Variants in GPATCH8 observed in about 807,000 individuals in gnomAD.
The protein encoded by GPATCH8 is G patch domain-containing protein 8.
In GPATCH8, 18 loss-of-function variants were observed where a neutral mutation model predicts 118.3. The ratio of observed to expected loss-of-function variants is 0.15; its 90% CI spans 0.11 to 0.23. GPATCH8 has a LOEUF of 0.23. GPATCH8 is among the 10% of genes least tolerant of loss of function. The probability of loss-of-function intolerance (pLI) is 1.00; values close to 1 mark genes in which losing one functional copy is unlikely to be tolerated. For synonymous variants in GPATCH8, 659 were observed against 684.7 expected (o/e 0.96, Z 0.59); for missense variants, 1,631 against 1,873.8 (o/e 0.87, Z 2.39).
At position 44,398,052 on chromosome 17, in the gene GPATCH8, G is replaced by A. The variant is rs1196091125; in HGVS notation, c.4025C>T (p.Ala1342Val). Reference sequence around the variant, plus strand: ...GGCCAGGGCAGCTGAGGCTGGAAAGGCCTTTACTTGCTTGGCCAGAAGCTG... The same window carrying A: ...GGCCAGGGCAGCTGAGGCTGGAAAGACCTTTACTTGCTTGGCCAGAAGCTG... ...QQQLLAKQVK[A>V]FPASAALAPA... The change falls in exon 8 of 8, where the codon GCC becomes GTC. Residue 1342 changes from alanine (A) to valine (V), a missense_variant. Around this residue, in one of 8 missense-constraint regions of GPATCH8, gnomAD observed 111 missense variants for 112.4 expected, o/e 0.99. Transcript: ENST00000591680. 1.2e-6 allele frequency: 2 copies of A among 1,613,890 alleles called. No homozygotes were observed. Among genetic ancestry groups the A allele is most frequent in the Non-Finnish European group, 1.7e-6 (2 of 1,179,922 alleles).
At chr17:44,458,083 C>G (rs1157360148) in intron 3 of GPATCH8, among the ~76,000 whole-genome samples, 1 of 143,240 alleles carries the variant, frequency 7.0e-6, no homozygotes, top group African/African-American at 2.6e-5. Flanking sequence ...AGCGAGACTC[C>G]ATTTCAAAAA....
chr17:44,403,667 A>T (rs2049110802), intron 7 of GPATCH8, among the ~76,000 whole-genome samples: 1 of 151,690 alleles, frequency 6.6e-6, no homozygotes, highest in South Asian at 2.1e-4. Flanking sequence ...AGGGATAAGT[A>T]TATTCAGACA....
At chr17:44,475,348 C>G (rs551652691) in intron 1 of GPATCH8, among the ~76,000 whole-genome samples, 2 of 147,230 alleles carry the variant, frequency 1.4e-5, no homozygotes, top group Admixed American at 6.9e-5. Context: ...CCACCACACT[C>G]CAGCCTGGGC....
intron 5 of GPATCH8, among the ~76,000 whole-genome samples, chr17:44,429,401 G>T (rs1453673301): frequency 1.3e-5 from 2 of 152,012 alleles, no homozygotes; most frequent in Admixed American, 1.3e-4. Flanking sequence ...TTGAACACAG[G>T]TTTAACCCCT....
chr17:44,482,911 C>A (rs1323556780), intron 1 of GPATCH8, among the ~76,000 whole-genome samples: 4 of 150,410 alleles, frequency 2.7e-5, no homozygotes, highest in African/African-American at 9.8e-5. Flanking sequence ...AATCCCAGCA[C>A]TTTGGGAGGC....
intron 3 of GPATCH8, among the ~76,000 whole-genome samples, chr17:44,458,033 C>T (rs956246562): frequency 3.3e-5 from 5 of 150,246 alleles, no homozygotes; most frequent in East Asian, 2.0e-4. Context: ...TGCAGTGAGC[C>T]GAGATTGTGC....
At chr17:44,464,623 G>C in intron 2 of GPATCH8, 79 bp from the exon 3 acceptor site, 1 of 867,056 alleles carries the variant, frequency 1.2e-6, no homozygotes, top group South Asian at 1.3e-5. Context: ...TTAAACAGAT[G>C]ATGAGCAAGA....
At chr17:44,453,530 T>TGTGTGTGTGTGTGCGC (rs1052518435) in intron 3 of GPATCH8, among the ~76,000 whole-genome samples, 48 of 150,562 alleles carry the variant, frequency 3.2e-4, no homozygotes, top group African/African-American at 1.1e-3. Flanking sequence ...TGTGTGTGTG[T>TGTGTGTGTGTGTGCGC]GCAGGCGCGC....
intron 3 of GPATCH8, among the ~76,000 whole-genome samples, chr17:44,453,497 A>G (rs75427000): frequency 0.019 from 509 of 26,352 alleles, 8 homozygotes; most frequent in Middle Eastern, 0.062. Context: ...GTAGGTAGGT[A>G]GGGGTGTGTG....
chr17:44,474,678 A>G (rs780409706), intron 2 of GPATCH8, 151 bp downstream of exon 2: 24 of 701,664 alleles, frequency 3.4e-5, no homozygotes, highest in Non-Finnish European at 5.5e-5. Flanking sequence ...TTACATCCCA[A>G]GCTTTAATTG....
At chr17:44,422,544 C>T (rs1054601241) in intron 6 of GPATCH8, among the ~76,000 whole-genome samples, 2 of 151,734 alleles carry the variant, frequency 1.3e-5, no homozygotes, top group African/African-American at 2.4e-5. Context: ...GGCTGGAGTG[C>T]AGTGGTGCGA....
At chr17:44,482,082 C>T (rs902160395) in intron 1 of GPATCH8, among the ~76,000 whole-genome samples, 1 of 152,056 alleles carries the variant, frequency 6.6e-6, no homozygotes, top group African/African-American at 2.4e-5. Context: ...GGTGTCGCCA[C>T]TGCACTCCAG....
intron 3 of GPATCH8, among the ~76,000 whole-genome samples, chr17:44,456,071 C>A (rs1183512179): frequency 6.6e-6 from 1 of 151,914 alleles, no homozygotes; most frequent in Non-Finnish European, 1.5e-5. Flanking sequence ...CTTAAGAAAT[C>A]AGTAAAATAT....
At chr17:44,411,847 C>A (rs920475952) in intron 6 of GPATCH8, among the ~76,000 whole-genome samples, 29 of 152,264 alleles carry the variant, frequency 1.9e-4, no homozygotes, top group Non-Finnish European at 3.7e-4. Context: ...ACTCTCAACA[C>A]TTTGGGAGGC....
At chr17:44,454,076 A>G (rs1207674635) in intron 3 of GPATCH8, among the ~76,000 whole-genome samples, 2 of 152,218 alleles carry the variant, frequency 1.3e-5, no homozygotes, top group African/African-American at 4.8e-5. Context: ...ATCTTTGGTA[A>G]TATCTATTCC....
chr17:44,459,055 G>A (rs141588315), intron 3 of GPATCH8, among the ~76,000 whole-genome samples: 10 of 152,234 alleles, frequency 6.6e-5, no homozygotes, highest in Non-Finnish European at 1.3e-4. Flanking sequence ...CCAATGCCAC[G>A]ACTGAGTGAC....
chr17:44,398,339 G>T lies in GPATCH8; in HGVS notation c.3738C>A (p.Asp1246Glu), dbSNP rs2048857404. ...DPTISHNYLP[D>E]PSDGDTLESL... ...ACTCCAGGGTGTCCCCATCACTGGG[G>T]TCGGGGAGGTAGTTATGGGAGATGG... Residue 1246 changes from aspartate to glutamate, a missense_variant, in exon 8 of 8, where the codon GAC (aspartate) becomes GAA (glutamate). Asp to Glu is a conservative substitution (Grantham distance 45). This residue lies in a region of GPATCH8 where 922 missense variants were observed against 879.7 expected (regional missense o/e 1.05). Coordinates refer to ENST00000591680, the MANE Select transcript of GPATCH8 (RefSeq NM_001002909.4). The T allele has an allele frequency of 5.0e-6, 8 of 1,614,102 alleles. No individual in the cohort carries two copies. Among genetic ancestry groups the T allele is most frequent in the Non-Finnish European group, 6.8e-6 (8 of 1,179,992 alleles).
rs761408864 is a variant in GPATCH8, at chr17:44,399,295, A to G, written c.2782T>C (p.Tyr928His). Residue 928 changes from tyrosine to histidine, a missense_variant, in exon 8 of 8, where the codon TAT (tyrosine) becomes CAT (histidine). By Grantham distance (83) the Tyr-to-His change is moderately conservative. Coordinates refer to ENST00000591680, the MANE Select transcript of GPATCH8 (RefSeq NM_001002909.4). Reference sequence around the variant, plus strand: ...CTATAGTCATCATCAGAAGATGAATATTTGTGCCGTTTTGATCGGTGTTTG... The same window carrying G: ...CTATAGTCATCATCAGAAGATGAATGTTTGTGCCGTTTTGATCGGTGTTTG... ...SSKHRSKRHK[Y>H]SSSDDDYSLS... 6.2e-7 allele frequency: 1 copy of G among 1,613,946 alleles called. No homozygotes were observed. Among genetic ancestry groups the G allele is most frequent in the Admixed American group, 1.7e-5 (1 of 60,016 alleles).
chr17:44,446,183 C>T (rs1368564905), intron 3 of GPATCH8, among the ~76,000 whole-genome samples: 1 of 151,958 alleles, frequency 6.6e-6, no homozygotes, highest in Non-Finnish European at 1.5e-5. Flanking sequence ...CTCCTAGCCT[C>T]GAGTTATCCT....
Sources: allele counts gnomAD v4.1 joint callset (sites outside exome capture counted in the v4.1 genomes callset), GRCh38; gene constraint gnomAD v4.1.1; regional missense constraint gnomAD v4.1.1; transcripts MANE v1.5; gene names NCBI Gene and HGNC (gene_info 2026-07-23, HGNC 2026-07-21).